DOK7: variants seen among roughly 807,000 people sequenced by gnomAD.
DOK7 encodes docking protein 7.
In DOK7, 32 loss-of-function variants were observed where a neutral mutation model predicts 30.7. The observed-to-expected ratio is 1.04, with a 90% confidence interval of 0.79 to 1.40. DOK7 has a LOEUF of 1.40. DOK7 is among the 40% of genes most tolerant of loss of function. The pLI, the probability that DOK7 is intolerant of heterozygous loss-of-function variation, is 0.00. For synonymous variants in DOK7, 447 were observed against 324.1 expected (o/e 1.38, Z -4.07); for missense variants, 1,007 against 699.2 (o/e 1.44, Z -4.97).
rs996058077 is a variant in DOK7, at chr4:3,494,076, T to G, written c.*575T>G. 1.0e-6 allele frequency: 1 copy of G among 986,586 alleles called. No homozygotes were observed. The highest frequency in any genetic ancestry group is 1.2e-6 in the Non-Finnish European group (1 of 830,930). The allele number at this position is 986,586 out of a possible 1,614,324, so 61.1% of individuals were successfully genotyped here. ...TCAGGAGGCTGTGTGGCTTGCGGGG[T>G]CTCTGGGTTCTGGGCCCCACTGTTC... On this transcript the variant is annotated 3_prime_UTR_variant, in exon 7 of 7. Coordinates refer to ENST00000340083, the MANE Select transcript of DOK7 (RefSeq NM_173660.5).
Position 3,469,179 on chromosome 4 carries a change from CTGTG to C in DOK7, c.101-4224_101-4221del, listed in dbSNP as rs201718777. Among the ~76,000 whole-genome samples the C allele has an allele frequency of 1.9e-4, 28 of 145,438 alleles. No individual in the cohort carries two copies. The East Asian group carries it at 4.4e-3, about 23-fold the overall frequency. On this transcript the variant is annotated intron_variant, in intron 2 of 6. Coordinates refer to ENST00000340083, the MANE Select transcript of DOK7 (RefSeq NM_173660.5). ...TGAGTGTGCATGTGTGTGTGTGCGT[CTGTG>C]TGAGTGTGCATGTATGAGTGTGTGT...
At chr4:3,484,746 C>CCACA (rs1727656009) in intron 4 of DOK7, 2 of 985,380 alleles carry the variant, frequency 2.0e-6, no homozygotes, top group African/African-American at 3.5e-5. Flanking sequence ...AGGGCAGCAC[C>CCACA]CACACACTGG....
intron 2 of DOK7, among the ~76,000 whole-genome samples, chr4:3,471,250 C>T (rs796553116): frequency 4.8e-4 from 73 of 152,364 alleles, no homozygotes; most frequent in African/African-American, 1.7e-3. Flanking sequence ...CACCTTCCTG[C>T]AGATGGTCCT....
At chr4:3,487,631 G>T (rs987170357) in intron 5 of DOK7, among the ~76,000 whole-genome samples, 1 of 152,190 alleles carries the variant, frequency 6.6e-6, no homozygotes, top group Non-Finnish European at 1.5e-5. Context: ...CTCCACGGGG[G>T]TGCACCGTTG....
intron 2 of DOK7, among the ~76,000 whole-genome samples, chr4:3,472,520 G>A (rs1263049993): frequency 1.3e-5 from 2 of 152,216 alleles, no homozygotes; most frequent in African/African-American, 4.8e-5. Context: ...TGCCGGGAGG[G>A]CCGGGAGTCT....
chr4:3,473,366 C>T (rs559255677), intron 2 of DOK7, 40 bp from the exon 3 acceptor site: 24 of 1,598,346 alleles, frequency 1.5e-5, no homozygotes, highest in Admixed American at 6.7e-5. Context: ...TGCGGGCAGG[C>T]GGTGTTGGCT....
downstream of DOK7, among the ~76,000 whole-genome samples, chr4:3,495,850 A>G (rs1728880310): frequency 6.6e-6 from 1 of 152,076 alleles, no homozygotes; most frequent in South Asian, 2.1e-4. Context: ...TGATGAGCTC[A>G]GGGGGTGTCG....
chr4:3,498,269 T>C (rs1259395410), downstream of DOK7, among the ~76,000 whole-genome samples: 2 of 152,178 alleles, frequency 1.3e-5, no homozygotes, highest in East Asian at 3.8e-4. Context: ...GGAGGAGCAC[T>C]GAGGGCCCTG....
At chr4:3,477,814 G>T (rs1351279477) in intron 4 of DOK7, among the ~76,000 whole-genome samples, 1 of 151,106 alleles carries the variant, frequency 6.6e-6, no homozygotes, top group Non-Finnish European at 1.5e-5. Context: ...GCCTATGCCA[G>T]CTGTGAGCTG....
chr4:3,493,391 CCTGCCCCTGG>C lies in DOK7; in HGVS notation c.1407_1416del (p.Ala470SerfsTer28). 1 of 1,595,172 alleles carries C rather than the reference CCTGCCCCTGG, an allele frequency of 6.3e-7. No individual in the cohort carries two copies. The highest frequency in any genetic ancestry group is 1.7e-4 in the Middle Eastern group (1 of 5,952). Reference sequence around the variant, plus strand: ...GGGCAGCGAGGCCACACTGCCTGGCCCTGCCCCTGGCGAGCCCTGGGAAGCAGGCGGCCCC... The same window carrying C: ...GGGCAGCGAGGCCACACTGCCTGGCCCGAGCCCTGGGAAGCAGGCGGCCCC... On this transcript the variant is annotated frameshift_variant, in exon 7 of 7. Transcript: ENST00000340083. LOFTEE classifies it high-confidence loss of function.
In DOK7 at chr4:3,492,746, T is replaced by C; in HGVS notation, c.773-13T>C. 3.7e-6 allele frequency: 6 copies of C among 1,612,020 alleles called. No individual in the cohort carries two copies. The highest frequency in any genetic ancestry group is 5.1e-6 in the Non-Finnish European group (6 of 1,179,966). On this transcript the variant is annotated splice_polypyrimidine_tract_variant and intron_variant, in intron 6 of 6. Coordinates refer to ENST00000340083, the MANE Select transcript of DOK7 (RefSeq NM_173660.5). ...TACCCCCACAACTGCCTTGGCTTCC[T>C]GCTCTGTCTCAGGGGATGACCGCAG...
chr4:3,472,462 C>G (rs1318050434), intron 2 of DOK7, among the ~76,000 whole-genome samples: 2 of 152,252 alleles, frequency 1.3e-5, no homozygotes, highest in African/African-American at 4.8e-5. Context: ...TGGAGCCCAG[C>G]TGCCGGGGCC....
At chr4:3,494,852 C>T (rs774898218), downstream of DOK7, among the ~76,000 whole-genome samples, 1 of 152,188 alleles carries the variant, frequency 6.6e-6, no homozygotes, top group Non-Finnish European at 1.5e-5. Flanking sequence ...CTGCCTGTCT[C>T]CCCTACATGG....
At chr4:3,467,352 C>T (rs1726355866) in intron 2 of DOK7, among the ~76,000 whole-genome samples, 2 of 151,650 alleles carry the variant, frequency 1.3e-5, no homozygotes, top group East Asian at 3.9e-4. Flanking sequence ...CATGACTCCA[C>T]AGTTATTTTT....
downstream of DOK7, among the ~76,000 whole-genome samples, chr4:3,498,029 T>C (rs1318279359): frequency 6.6e-6 from 1 of 152,152 alleles, no homozygotes; most frequent in African/African-American, 2.4e-5. Flanking sequence ...TGTGAATCTT[T>C]TCCACAGAGG....
At chr4:3,481,788 T>C (rs1029187679) in intron 4 of DOK7, among the ~76,000 whole-genome samples, 1 of 152,150 alleles carries the variant, frequency 6.6e-6, no homozygotes, top group African/African-American at 2.4e-5. Context: ...ATGGAAACCA[T>C]CTTAGATCTA....
chr4:3,492,080 T>C (rs1244772892), intron 6 of DOK7, among the ~76,000 whole-genome samples: 1 of 152,122 alleles, frequency 6.6e-6, no homozygotes, highest in Non-Finnish European at 1.5e-5. Context: ...TTGGGAGCCC[T>C]GGAAGGCAGA....
Position 3,468,913 on chromosome 4 carries a change from GTA to G in DOK7, c.101-4491_101-4490del, listed in dbSNP as rs1363704560. ...TGTGTATGTGTGCATGTCTGTGTGT[GTA>G]TGTGTGTATGAGTGTGCGTGCTTTT... On this transcript the variant is annotated intron_variant, in intron 2 of 6. Coordinates refer to ENST00000340083, the MANE Select transcript of DOK7 (RefSeq NM_173660.5). 4.1e-3 allele frequency among the ~76,000 whole-genome samples: 574 copies of G among 141,102 alleles called. 4 individuals are homozygous for G. The highest frequency in any genetic ancestry group is 0.015 in the African/African-American group (548 of 36,956). The allele number at this position is 141,102 out of a possible 152,430, so 92.6% of individuals were successfully genotyped here.
At chr4:3,475,708 G>C (rs926933551) in intron 3 of DOK7, among the ~76,000 whole-genome samples, 3 of 152,152 alleles carry the variant, frequency 2.0e-5, no homozygotes, top group Non-Finnish European at 4.4e-5. Context: ...CGAACTGGAG[G>C]CTGGGGGATC....
Sources: gnomAD v4.1 joint callset for allele counts (sites outside exome capture counted in the v4.1 genomes callset) on GRCh38, gnomAD v4.1.1 for gene constraint, MANE v1.5 for transcripts, NCBI Gene and HGNC (gene_info 2026-07-23, HGNC 2026-07-21) for gene names.